FOXP1: variants seen among roughly 807,000 people sequenced by gnomAD.
The protein encoded by FOXP1 is forkhead box P1, also known as forkhead box protein P1.
A neutral mutation model predicts 98.2 loss-of-function variants in FOXP1; 15 were observed. The ratio of observed to expected loss-of-function variants is 0.15; its 90% confidence interval spans 0.10 to 0.24. The LOEUF (loss-of-function observed/expected upper bound fraction) is 0.24. Ranked by LOEUF, FOXP1 falls within the 10% of genes least tolerant of loss-of-function variation. The pLI, the probability that FOXP1 is intolerant of heterozygous loss-of-function variation, is 1.00. For synonymous variants in FOXP1, 371 were observed against 314.5 expected (o/e 1.18, Z -1.90); for missense variants, 633 against 848.5 (o/e 0.75, Z 3.15).
At chr3:71,388,916 T>G (rs1262932018) in intron 3 of FOXP1, among the ~76,000 whole-genome samples, 1 of 152,032 alleles carries the variant, frequency 6.6e-6, no homozygotes, top group African/African-American at 2.4e-5. Context: ...CTGTACCAAG[T>G]AGAATGGCCT....
intron 2 of FOXP1, among the ~76,000 whole-genome samples, chr3:71,526,967 C>CA (rs34141810): frequency 0.06 from 3,716 of 61,912 alleles, 91 homozygotes; most frequent in Middle Eastern, 0.15. Context: ...AACTCCAACT[C>CA]AAAAAAAAAA....
At chr3:71,182,392 C>G (rs1464633821) in intron 6 of FOXP1, among the ~76,000 whole-genome samples, 1 of 151,462 alleles carries the variant, frequency 6.6e-6, no homozygotes, top group Non-Finnish European at 1.5e-5. Flanking sequence ...AAGAGTTTTC[C>G]AACAGTGTGA....
intron 9 of FOXP1, among the ~76,000 whole-genome samples, chr3:71,051,906 G>A (rs1319037095): frequency 6.6e-6 from 1 of 152,172 alleles, no homozygotes; most frequent in Non-Finnish European, 1.5e-5. Context: ...CAAGCGTGGT[G>A]CATATAGAAG....
intron 5 of FOXP1, among the ~76,000 whole-genome samples, chr3:71,231,258 A>G (rs2066263870): frequency 6.6e-6 from 1 of 152,216 alleles, no homozygotes; most frequent in African/African-American, 2.4e-5. Flanking sequence ...ATAACTAAAC[A>G]TAAGCACAGT....
chr3:71,482,367 CT>C (rs11464442), intron 3 of FOXP1, among the ~76,000 whole-genome samples: 39,307 of 113,392 alleles, frequency 0.35, 3,880 homozygotes, highest in Non-Finnish European at 0.39. Context: ...AATACATAAC[CT>C]TTTTTTTTTT....
chr3:71,377,552 C>G (rs150110115), intron 3 of FOXP1, among the ~76,000 whole-genome samples: 84 of 152,148 alleles, frequency 5.5e-4, no homozygotes, highest in African/African-American at 1.9e-3. Context: ...ACTAAATAAC[C>G]CCCCCAAGGT....
intron 6 of FOXP1, among the ~76,000 whole-genome samples, chr3:71,191,459 T>C (rs2062975294): frequency 6.6e-6 from 1 of 152,364 alleles, no homozygotes. Context: ...TCACTCATAA[T>C]GAAATGTGGC....
At chr3:71,317,729 C>T (rs1413381164) in intron 4 of FOXP1, among the ~76,000 whole-genome samples, 1 of 151,724 alleles carries the variant, frequency 6.6e-6, no homozygotes, top group Non-Finnish European at 1.5e-5. Context: ...TGGTACCTGT[C>T]CCCCCCACAC....
intron 6 of FOXP1, among the ~76,000 whole-genome samples, chr3:71,117,197 C>G (rs1266656313): frequency 6.6e-6 from 1 of 152,168 alleles, no homozygotes; most frequent in Non-Finnish European, 1.5e-5. Flanking sequence ...AAGCAATCCT[C>G]CCACCTCAGC....
Position 70,966,020 on chromosome 3 carries a change from T to C in FOXP1, c.1759A>G (p.Thr587Ala). 3 of 1,614,108 alleles carry C rather than the reference T, an allele frequency of 1.9e-6. No individual in the cohort carries two copies. The highest frequency in any genetic ancestry group is 2.5e-6 in the Non-Finnish European group (3 of 1,179,998). ...MAENSIPLYT[T>A]ASMGNPTLGN... ...AGAGTGGGATTTCCCATGGAAGCGGTAGTGTATAGAGGTATACTATTCTCA... is the reference window on the plus strand; with the variant it reads ...AGAGTGGGATTTCCCATGGAAGCGGCAGTGTATAGAGGTATACTATTCTCA... The change falls in exon 20 of 21, where the codon ACC becomes GCC. Residue 587 changes from threonine to alanine, a missense_variant. Around this residue, in one of 6 missense-constraint regions of FOXP1, gnomAD observed 150 missense variants for 163.7 expected, o/e 0.92. Transcript: ENST00000649528.
At chr3:71,133,822 A>G (rs200718219) in intron 6 of FOXP1, among the ~76,000 whole-genome samples, 82 of 151,548 alleles carry the variant, frequency 5.4e-4, no homozygotes, top group Non-Finnish European at 9.7e-4. Flanking sequence ...TACCCCGAAT[A>G]TGTGTGTGTG....
intron 14 of FOXP1, among the ~76,000 whole-genome samples, chr3:70,985,644 A>G (rs2039610530): frequency 6.6e-6 from 1 of 152,196 alleles, no homozygotes; most frequent in African/African-American, 2.4e-5. Flanking sequence ...AGGAATTTAT[A>G]ATGCTGCCTG....
At chr3:71,537,457 G>T in intron 2 of FOXP1, among the ~76,000 whole-genome samples, 1 of 152,236 alleles carries the variant, frequency 6.6e-6, no homozygotes, top group South Asian at 2.1e-4. Context: ...GGAAGATGCA[G>T]GATAATGAAT....
At position 70,973,540 on chromosome 3, in the gene FOXP1, C is replaced by T. The variant is rs190935691; in HGVS notation, c.1531-864G>A. 1.1e-3 allele frequency among the ~76,000 whole-genome samples: 163 copies of T among 152,234 alleles called. 3 individuals are homozygous for T. The highest frequency in any genetic ancestry group is 8.8e-3 in the Admixed American group (135 of 15,286). Reference sequence around the variant, plus strand: ...GGGTGAAGAGCTTTTAATATCTCATCTTTCCTTTGGGTTTCAGAAGAATCC... The same window carrying T: ...GGGTGAAGAGCTTTTAATATCTCATTTTTCCTTTGGGTTTCAGAAGAATCC... On this transcript the variant is annotated intron_variant, in intron 17 of 20. Transcript: ENST00000649528.
rs753628790 is a variant in FOXP1, at chr3:71,121,379, AG to A, written c.181-8743del. Among the ~76,000 whole-genome samples, 697 of 145,460 alleles carry A rather than the reference AG, an allele frequency of 4.8e-3. 10 individuals carry two copies. The East Asian group carries it at 0.052, about 11-fold the overall frequency. On this transcript the variant is annotated intron_variant, in intron 6 of 20. Coordinates refer to ENST00000649528, the MANE Select transcript of FOXP1 (RefSeq NM_001349338.3). ...ATTTTCATGACACCAGAAAAAAAAA[AG>A]GGGGGGGGGATATCTATGGTCCTCT...
At chr3:70,986,898 G>T (rs975562827) in intron 14 of FOXP1, among the ~76,000 whole-genome samples, 1 of 152,120 alleles carries the variant, frequency 6.6e-6, no homozygotes, top group African/African-American at 2.4e-5. Context: ...TACCATATTT[G>T]CTGGGTTAAT....
At chr3:71,002,509 T>C (rs1204464209) in intron 12 of FOXP1, among the ~76,000 whole-genome samples, 1 of 152,194 alleles carries the variant, frequency 6.6e-6, no homozygotes, top group African/African-American at 2.4e-5. Context: ...CAGTTTCACA[T>C]GCTGCTCACT....
chr3:71,388,907 T>C lies in FOXP1; in HGVS notation c.-167-29663A>G, dbSNP rs72957389. On this transcript the variant is annotated intron_variant, in intron 3 of 20. Coordinates refer to ENST00000649528, the MANE Select transcript of FOXP1 (RefSeq NM_001349338.3). ...GCGAATGGTCTTTATAGTAACACAC[T>C]GTACCAAGTAGAATGGCCTTTTCAC... 9.0e-3 allele frequency among the ~76,000 whole-genome samples: 1,346 copies of C among 148,902 alleles called. 25 individuals are homozygous for C. Among genetic ancestry groups the C allele is most frequent in the African/African-American group, 0.031 (1,252 of 40,496 alleles).
chr3:71,188,604 G>A (rs1366555676), intron 6 of FOXP1, among the ~76,000 whole-genome samples: 1 of 152,072 alleles, frequency 6.6e-6, no homozygotes, highest in African/African-American at 2.4e-5. Context: ...TTTCAGTAGA[G>A]ATGGGGTTTC....
Sources: gnomAD v4.1 joint callset for allele counts (sites outside exome capture counted in the v4.1 genomes callset) on GRCh38, gnomAD v4.1.1 for gene constraint, gnomAD v4.1.1 regional missense constraint, MANE v1.5 for transcripts, NCBI Gene and HGNC (gene_info 2026-07-23, HGNC 2026-07-21) for gene names.